Variants in DENND4C observed in about 807,000 individuals in gnomAD.
The protein encoded by DENND4C is DENN domain containing 4C.
In DENND4C, 108 loss-of-function variants were observed where a neutral mutation model predicts 203.0. The ratio of observed to expected loss-of-function variants is 0.53; its 90% confidence interval spans 0.46 to 0.62. DENND4C has a LOEUF of 0.62. Among genes scored for constraint, DENND4C ranks in the 20% least tolerant of loss-of-function variants. DENND4C has a pLI of 0.00. For synonymous variants in DENND4C, 871 were observed against 792.4 expected (o/e 1.10, Z -1.67); for missense variants, 2,481 against 2,301.2 (o/e 1.08, Z -1.60).
chr9:19,286,674 C>T, intron 2 of DENND4C, 95 bp from the exon 3 acceptor site: 1 of 1,136,542 alleles, frequency 8.8e-7, no homozygotes, highest in Non-Finnish European at 1.1e-6. Context: ...AGAAGAAAAC[C>T]AGCATTAACC....
intron 1 of DENND4C, among the ~76,000 whole-genome samples, chr9:19,266,245 A>G (rs1156934970): frequency 6.6e-6 from 1 of 152,148 alleles, no homozygotes; most frequent in Admixed American, 6.6e-5. Flanking sequence ...TTGGCTGCAT[A>G]AATATATCTT....
intron 1 of DENND4C, among the ~76,000 whole-genome samples, chr9:19,254,612 G>A (rs1029500790): frequency 2.0e-5 from 3 of 152,148 alleles, no homozygotes; most frequent in African/African-American, 7.2e-5. Context: ...GGGAGGGGAT[G>A]TAATGTACAG....
At chr9:19,314,433 G>A (rs10117865) in intron 10 of DENND4C, among the ~76,000 whole-genome samples, 75,100 of 151,850 alleles carry the variant, frequency 0.49, 19,337 homozygotes, top group South Asian at 0.61. Context: ...CAGCCTGGGC[G>A]ACAGCTCAAA....
intron 23 of DENND4C, among the ~76,000 whole-genome samples, chr9:19,350,366 C>T (rs1382163302): frequency 6.6e-6 from 1 of 152,114 alleles, no homozygotes; most frequent in East Asian, 1.9e-4. Flanking sequence ...TTCAAAAACC[C>T]CTACTCTACT....
chr9:19,353,487 G>T (rs965887687), intron 26 of DENND4C, among the ~76,000 whole-genome samples: 1 of 151,788 alleles, frequency 6.6e-6, no homozygotes, highest in Non-Finnish European at 1.5e-5. Flanking sequence ...GATTAGCCAG[G>T]TGTGGCGGCG....
chr9:19,254,048 A>C (rs551875269), intron 1 of DENND4C, among the ~76,000 whole-genome samples: 1 of 152,220 alleles, frequency 6.6e-6, no homozygotes, highest in African/African-American at 2.4e-5. Context: ...TGATTTTTAC[A>C]AGTCGTTTTA....
intron 10 of DENND4C, among the ~76,000 whole-genome samples, chr9:19,308,572 CT>C (rs1840138456): frequency 6.6e-6 from 1 of 152,112 alleles, no homozygotes; most frequent in Non-Finnish European, 1.5e-5. Flanking sequence ...AATTCTTTGT[CT>C]GCTGTATGCA....
At chr9:19,345,097 C>T (rs1822553718) in intron 22 of DENND4C, among the ~76,000 whole-genome samples, 1 of 152,182 alleles carries the variant, frequency 6.6e-6, no homozygotes, top group African/African-American at 2.4e-5. Flanking sequence ...TTTTGGCGGA[C>T]ACAAACATTC....
chr9:19,369,795 T>G (rs1291315999), intron 30 of DENND4C, 42 bp from the exon 31 acceptor site: 1 of 1,148,788 alleles, frequency 8.7e-7, no homozygotes, highest in East Asian at 3.2e-5. Context: ...ATAATAATAA[T>G]AGTAATAATT....
At chr9:19,289,876 G>T (rs1252682366) in intron 4 of DENND4C, among the ~76,000 whole-genome samples, 1 of 150,504 alleles carries the variant, frequency 6.6e-6, no homozygotes, top group Non-Finnish European at 1.5e-5. Flanking sequence ...GTAATATGTT[G>T]ATTATGTGTG....
rs1320638299 is a variant in DENND4C, at chr9:19,358,851, T to G, written c.5160+691T>G. On this transcript the variant is annotated intron_variant, in intron 28 of 32. Coordinates refer to ENST00000434457, the MANE Select transcript of DENND4C (RefSeq NM_001330640.2). This position sits in a 1 kb window ranked among gnomAD's most constrained non-coding sequence, Gnocchi z 4.8. ...TCCGGAACCTTGATCAGATTTGGGGTTTTTGTGTTAGTGTTCATTTGCTTG... is the reference window on the plus strand; with the variant it reads ...TCCGGAACCTTGATCAGATTTGGGGGTTTTGTGTTAGTGTTCATTTGCTTG... 2.6e-5 allele frequency among the ~76,000 whole-genome samples: 4 copies of G among 151,580 alleles called. No homozygotes were observed. The highest frequency in any genetic ancestry group is 2.6e-4 in the Admixed American group (4 of 15,236).
intron 30 of DENND4C, among the ~76,000 whole-genome samples, chr9:19,362,524 A>G (rs1165206548): frequency 7.0e-6 from 1 of 142,620 alleles, no homozygotes; most frequent in African/African-American, 2.6e-5. Flanking sequence ...AATTAATTCA[A>G]AGTGATTTGC....
intron 1 of DENND4C, among the ~76,000 whole-genome samples, chr9:19,251,231 G>A (rs919203395): frequency 2.0e-5 from 3 of 152,250 alleles, no homozygotes; most frequent in Non-Finnish European, 2.9e-5. Flanking sequence ...TCATGTGGAA[G>A]CTTCCAAGGC....
At chr9:19,331,643 T>C (rs1219155154) in intron 16 of DENND4C, among the ~76,000 whole-genome samples, 1 of 152,102 alleles carries the variant, frequency 6.6e-6, no homozygotes, top group East Asian at 1.9e-4. Context: ...GAATATCACT[T>C]TTTCACCCAT....
At chr9:19,286,641 CA>C in intron 2 of DENND4C, 127 bp from the exon 3 acceptor site, 10 of 923,518 alleles carry the variant, frequency 1.1e-5, no homozygotes, top group Non-Finnish European at 1.4e-5. Context: ...TAGGAGAGAC[CA>C]AAAAAATTTT....
rs139831582 is a variant in DENND4C, at chr9:19,296,259, A to G, written c.1040+13A>G. On this transcript the variant is annotated intron_variant, in intron 6 of 32. Transcript: ENST00000434457. The stretch of plus-strand genomic sequence containing the variant: ...TTCCCATTGAAAAGTATGTATAATG[A>G]TTAGAAAGATGGCTGGTGGAAAACT... The G allele has an allele frequency of 3.9e-6, 6 of 1,525,094 alleles. No individual in the cohort carries two copies. The highest frequency in any genetic ancestry group is 1.7e-4 in the Middle Eastern group (1 of 5,738). 94.5% of individuals were successfully genotyped at this position (1,525,094 alleles called of 1,614,324 possible).
chr9:19,358,031 A>G lies in DENND4C; in HGVS notation c.5031A>G (p.Leu1677=), dbSNP rs377681522. 1 of 1,613,766 alleles carries G rather than the reference A, an allele frequency of 6.2e-7. No individual in the cohort carries two copies. Among genetic ancestry groups the G allele is most frequent in the Non-Finnish European group, 8.5e-7 (1 of 1,179,808 alleles). Residue 1677 remains leucine, a synonymous_variant, in exon 28 of 33, where the codon TTA becomes TTG. Coordinates refer to ENST00000434457, the MANE Select transcript of DENND4C (RefSeq NM_001330640.2). The surrounding 1 kb of genome is among the most constrained non-coding windows in gnomAD (Gnocchi z 4.8). Reference sequence around the variant, plus strand: ...AAATTTCATCTGTGCCTAATAGTTTATCAAAGCGAAATGTGTCTTTGACTC... The same window carrying G: ...AAATTTCATCTGTGCCTAATAGTTTGTCAAAGCGAAATGTGTCTTTGACTC... ...TMKISSVPNS[L]SKRNVSLTRS... is the part of the protein sequence containing the mutation.
chr9:19,269,939 A>C (rs1191665844), intron 1 of DENND4C, among the ~76,000 whole-genome samples: 2 of 152,140 alleles, frequency 1.3e-5, no homozygotes, highest in African/African-American at 4.8e-5. Context: ...GATTGTTTTG[A>C]TCTAAGTCCT....
At chr9:19,236,126 TC>T (rs1821910434) in intron 1 of DENND4C, among the ~76,000 whole-genome samples, 3 of 152,146 alleles carry the variant, frequency 2.0e-5, no homozygotes, top group South Asian at 4.1e-4. Flanking sequence ...ATGTTATAAA[TC>T]TTTTTTTAAA....
Sources: gnomAD v4.1 joint callset for allele counts (sites outside exome capture counted in the v4.1 genomes callset) on GRCh38, gnomAD v4.1.1 for gene constraint, Gnocchi (gnomAD v3.1) non-coding constraint, MANE v1.5 for transcripts, NCBI Gene and HGNC (gene_info 2026-07-23, HGNC 2026-07-21) for gene names.